Variants in MACROH2A2 observed in about 807,000 individuals in gnomAD.
MACROH2A2 encodes core histone macro-H2A.2.
Under a neutral mutation model 37.6 loss-of-function variants are expected in MACROH2A2, and 6 were observed. The ratio of observed to expected loss-of-function variants is 0.16; its 90% CI spans 0.09 to 0.32. The LOEUF (loss-of-function observed/expected upper bound fraction) is 0.32, where lower values mean the gene tolerates loss of function less well. Among genes scored for constraint, MACROH2A2 ranks in the 10% least tolerant of loss-of-function variants. The pLI is 1.00. For missense variants in MACROH2A2, 290 were observed against 485.9 expected (o/e 0.60, Z 3.79); for synonymous variants, 192 against 202.7 (o/e 0.95, Z 0.45).
At chr10:70,064,041 T>C (rs1196090953) in intron 1 of MACROH2A2, among the ~76,000 whole-genome samples, 1 of 152,198 alleles carries the variant, frequency 6.6e-6, no homozygotes, top group East Asian at 1.9e-4. Context: ...GCCCTTAAGC[T>C]AACAATCTGA....
intron 1 of MACROH2A2, among the ~76,000 whole-genome samples, chr10:70,070,152 G>A (rs2072100796): frequency 6.6e-6 from 1 of 152,174 alleles, no homozygotes; most frequent in Admixed American, 6.5e-5. Context: ...CTGGGAGATA[G>A]GTGCCTGGCT....
rs117936323 is a variant in MACROH2A2 at position 70,066,187 on chromosome 10, C to T, written c.-59-9413C>T. 4.7e-4 allele frequency among the ~76,000 whole-genome samples: 71 copies of T among 152,134 alleles called. 1 individual carries two copies. In the East Asian group the frequency reaches 0.013, roughly 27 times the overall value. ...GACCCCATCTCTACAAAAAAATCAG[C>T]TGGGTGTGGTGTACACCTATAGTCC... On this transcript the variant is annotated intron_variant, in intron 1 of 8. Transcript: ENST00000373255.
rs1159812844 is a variant in MACROH2A2, at chr10:70,107,745, T to C, written c.779-1288T>C. 6.6e-6 allele frequency among the ~76,000 whole-genome samples: 1 copy of C among 152,204 alleles called. No homozygotes were observed. Among genetic ancestry groups the C allele is most frequent in the East Asian group, 1.9e-4 (1 of 5,196 alleles). On this transcript the variant is annotated intron_variant, in intron 7 of 8. Coordinates refer to ENST00000373255, the MANE Select transcript of MACROH2A2 (RefSeq NM_018649.3). The surrounding 1 kb of genome is among the most constrained non-coding windows in gnomAD (Gnocchi z 4.4). Reference sequence around the variant, plus strand: ...TTGAAACCCCACTCTCTGCAGGGCATGTGGAGATCATCAAATGGCAGTCCC... The same window carrying C: ...TTGAAACCCCACTCTCTGCAGGGCACGTGGAGATCATCAAATGGCAGTCCC...
Position 70,109,210 on chromosome 10 carries a change from A to G in MACROH2A2, c.953+3A>G. Reference sequence around the variant, plus strand: ...TTCCCGCCTTTCCCCAGCGGCAGGTAAGATGCAGTTCCCCTGAGTTGATTC... The same window carrying G: ...TTCCCGCCTTTCCCCAGCGGCAGGTGAGATGCAGTTCCCCTGAGTTGATTC... On this transcript the variant is annotated splice_donor_region_variant and intron_variant, in intron 8 of 8. Coordinates refer to ENST00000373255, the MANE Select transcript of MACROH2A2 (RefSeq NM_018649.3). The G allele has an allele frequency of 6.2e-7, 1 of 1,612,670 alleles. No homozygotes were observed. The highest frequency in any genetic ancestry group is 8.5e-7 in the Non-Finnish European group (1 of 1,179,056).
At chr10:70,108,860 A>G (rs2271699) in intron 7 of MACROH2A2, among the ~76,000 whole-genome samples, 173 bp from the exon 8 acceptor site, 13,925 of 152,288 alleles carry the variant, frequency 0.091, 744 homozygotes, top group East Asian at 0.23. Context: ...AAAGCAATAC[A>G]GCCCAGCTCT....
At chr10:70,069,389 G>T (rs547166352) in intron 1 of MACROH2A2, among the ~76,000 whole-genome samples, 1 of 152,252 alleles carries the variant, frequency 6.6e-6, no homozygotes, top group South Asian at 2.1e-4. Flanking sequence ...TTCTTGAAAT[G>T]CTCTGATCCA....
chr10:70,077,255 G>C (rs1404396245), intron 2 of MACROH2A2, among the ~76,000 whole-genome samples: 1 of 152,202 alleles, frequency 6.6e-6, no homozygotes, highest in Non-Finnish European at 1.5e-5. Context: ...GCCAAAAGAT[G>C]TGGGGAATGC....
chr10:70,095,816 T>G lies in MACROH2A2; in HGVS notation c.688+63T>G. ...AGGCCACTGTTCAGGCAAGTTCTTG[T>G]GAAGCTGATCATTGTCAACTGGCTG... On this transcript the variant is annotated intron_variant, in intron 6 of 8. Coordinates refer to ENST00000373255, the MANE Select transcript of MACROH2A2 (RefSeq NM_018649.3). 3 of 793,632 alleles carry G rather than the reference T, an allele frequency of 3.8e-6. No individual in the cohort carries two copies. The South Asian group carries it at 4.4e-5, about 12-fold the overall frequency. The allele number at this position is 793,632 out of a possible 1,614,324, so 49.2% of individuals were successfully genotyped here. A position where few individuals can be genotyped will look rare whatever the true frequency, so the allele number is the denominator to read the frequency against.
intron 2 of MACROH2A2, among the ~76,000 whole-genome samples, chr10:70,076,494 TTTG>T (rs1413399981): frequency 6.6e-6 from 1 of 152,224 alleles, no homozygotes; most frequent in Non-Finnish European, 1.5e-5. Flanking sequence ...CTTTAGCTTT[TTTG>T]TTGTTGTTCT....
intron 4 of MACROH2A2, among the ~76,000 whole-genome samples, chr10:70,092,699 CA>C (rs1235859779): frequency 6.6e-6 from 1 of 152,148 alleles, no homozygotes; most frequent in East Asian, 1.9e-4. Flanking sequence ...TCTAGGTTTC[CA>C]AACCCTAAGC....
intron 1 of MACROH2A2, among the ~76,000 whole-genome samples, chr10:70,063,759 A>C (rs1378447429): frequency 6.6e-6 from 1 of 152,246 alleles, no homozygotes; most frequent in Non-Finnish European, 1.5e-5. Context: ...AAGTACAAAT[A>C]AAATAAACAA....
chr10:70,079,313 C>T (rs1249979269), intron 2 of MACROH2A2, among the ~76,000 whole-genome samples: 1 of 151,290 alleles, frequency 6.6e-6, no homozygotes, highest in African/African-American at 2.4e-5. Flanking sequence ...CCAAATGATT[C>T]TGATGGGCAG....
chr10:70,112,214 CA>C lies in MACROH2A2; in HGVS notation c.*532del, dbSNP rs1324324023. ...TTTGATTCAGGCTTTTTTTTGGTTT[CA>C]TTTTGTTTTTTTAAGAAAAAGAAAA... On this transcript the variant is annotated 3_prime_UTR_variant, in exon 9 of 9. Coordinates refer to ENST00000373255, the MANE Select transcript of MACROH2A2 (RefSeq NM_018649.3). 1 of 149,182 alleles carries C rather than the reference CA, an allele frequency of 6.7e-6. No homozygotes were observed. Among genetic ancestry groups the C allele is most frequent in the Admixed American group, 6.8e-5 (1 of 14,736 alleles). 9.2% of individuals were successfully genotyped at this position (149,182 alleles called of 1,614,324 possible).
chr10:70,105,758 AAATG>A (rs1329796460), intron 7 of MACROH2A2, among the ~76,000 whole-genome samples: 2 of 152,068 alleles, frequency 1.3e-5, no homozygotes, highest in African/African-American at 4.8e-5. Context: ...GTGGGGGTGA[AAATG>A]AAGCACATGG....
chr10:70,061,459 C>G (rs1408003323), intron 1 of MACROH2A2, among the ~76,000 whole-genome samples: 1 of 152,178 alleles, frequency 6.6e-6, no homozygotes, highest in African/African-American at 2.4e-5. Flanking sequence ...AAGAAACAAG[C>G]TACATTATAG....
intron 2 of MACROH2A2, among the ~76,000 whole-genome samples, chr10:70,086,762 C>A (rs566906013): frequency 6.6e-6 from 1 of 152,264 alleles, no homozygotes; most frequent in South Asian, 2.1e-4. Context: ...CCAGACCCAT[C>A]TAGAAAAAGG....
Position 70,093,672 on chromosome 10 carries a change from A to G in MACROH2A2, c.478-63A>G, listed in dbSNP as rs1004165753. 5.9e-6 allele frequency: 5 copies of G among 851,816 alleles called. No individual in the cohort carries two copies. The East Asian group carries it at 1.2e-4, about 21-fold the overall frequency. 52.8% of individuals were successfully genotyped at this position (851,816 alleles called of 1,614,324 possible). Reference sequence around the variant, plus strand: ...TGGTGGCAGCCGTGAGAAGAGCTTAATAAAGGCACCTCAGGCTTTTTCTGG... The same window carrying G: ...TGGTGGCAGCCGTGAGAAGAGCTTAGTAAAGGCACCTCAGGCTTTTTCTGG... On this transcript the variant is annotated intron_variant, in intron 4 of 8. Coordinates refer to ENST00000373255, the MANE Select transcript of MACROH2A2 (RefSeq NM_018649.3).
At chr10:70,061,901 T>C (rs2072052479) in intron 1 of MACROH2A2, among the ~76,000 whole-genome samples, 1 of 152,206 alleles carries the variant, frequency 6.6e-6, no homozygotes, top group Admixed American at 6.5e-5. Context: ...GATAAAATTA[T>C]TGACTATTCT....
At chr10:70,079,565 G>GCACACACACA (rs56247035) in intron 2 of MACROH2A2, among the ~76,000 whole-genome samples, 3,453 of 126,180 alleles carry the variant, frequency 0.027, 97 homozygotes, top group East Asian at 0.069. Flanking sequence ...GCGCGCGCGC[G>GCACACACACA]CACACACACA....
Sources: allele counts gnomAD v4.1 joint callset (sites outside exome capture counted in the v4.1 genomes callset), GRCh38; gene constraint gnomAD v4.1.1; non-coding constraint Gnocchi (gnomAD v3.1); transcripts MANE v1.5; gene names NCBI Gene and HGNC (gene_info 2026-07-23, HGNC 2026-07-21).